SNX6: variants seen among roughly 807,000 people sequenced by gnomAD.
SNX6 encodes sorting nexin 6.
SNX6 carries 34 observed loss-of-function variants against 63.0 expected under a neutral mutation model. That is an observed-to-expected ratio of 0.54 (90% CI 0.41 to 0.72). The LOEUF (loss-of-function observed/expected upper bound fraction) is 0.72, where lower values mean the gene tolerates loss of function less well. Ranked by LOEUF, SNX6 falls within the 30% of genes least tolerant of loss-of-function variation. The probability of loss-of-function intolerance (pLI) is 0.00; values close to 1 mark genes in which losing one functional copy is unlikely to be tolerated. For missense variants in SNX6, 398 were observed against 471.4 expected (o/e 0.84, Z 1.44); for synonymous variants, 170 against 164.2 (o/e 1.04, Z -0.27).
At chr14:34,595,912 T>C (rs917708737) in intron 7 of SNX6, among the ~76,000 whole-genome samples, 1 of 152,110 alleles carries the variant, frequency 6.6e-6, no homozygotes, top group Non-Finnish European at 1.5e-5. Flanking sequence ...TTTTAGAACA[T>C]CATTAAGAAA....
At chr14:34,569,519 C>T (rs1881345351) in intron 11 of SNX6, among the ~76,000 whole-genome samples, 1 of 152,058 alleles carries the variant, frequency 6.6e-6, no homozygotes, top group African/African-American at 2.4e-5. Context: ...CCTCCACCTC[C>T]CGGTTCAAGT....
At chr14:34,594,045 A>G (rs1882506621) in intron 7 of SNX6, among the ~76,000 whole-genome samples, 1 of 152,128 alleles carries the variant, frequency 6.6e-6, no homozygotes. Flanking sequence ...ACTCTGAAAC[A>G]TGTTCTTATT....
At chr14:34,592,940 C>T (rs1882455098) in intron 8 of SNX6, 105 bp downstream of exon 8, 1 of 783,864 alleles carries the variant, frequency 1.3e-6, no homozygotes, top group Non-Finnish European at 2.1e-6. Flanking sequence ...TCCAACAGAC[C>T]AGTTTGAGAA....
chr14:34,573,169 A>C (rs1297942472), intron 11 of SNX6, among the ~76,000 whole-genome samples: 1 of 152,022 alleles, frequency 6.6e-6, no homozygotes, highest in Non-Finnish European at 1.5e-5. Context: ...GTAGACATAG[A>C]ATGTCATTTT....
intron 2 of SNX6, among the ~76,000 whole-genome samples, chr14:34,619,565 GA>G (rs34970509): frequency 0.38 from 57,087 of 151,710 alleles, 12,543 homozygotes; most frequent in East Asian, 0.74. Context: ...CAGGTATTGT[GA>G]AAGATTTAAA....
At chr14:34,602,934 C>T (rs1243542631) in intron 6 of SNX6, among the ~76,000 whole-genome samples, 1 of 147,990 alleles carries the variant, frequency 6.8e-6, no homozygotes, top group Non-Finnish European at 1.5e-5. Context: ...TGAGATGACG[C>T]CACTGCACTC....
At chr14:34,601,015 A>G (rs938401550) in intron 6 of SNX6, among the ~76,000 whole-genome samples, 1 of 147,970 alleles carries the variant, frequency 6.8e-6, no homozygotes. Flanking sequence ...CTCTGCCTCA[A>G]AAAAAAAAAA....
chr14:34,598,492 A>C (rs867091057), intron 6 of SNX6, among the ~76,000 whole-genome samples: 1 of 152,174 alleles, frequency 6.6e-6, no homozygotes, highest in Admixed American at 6.5e-5. Flanking sequence ...TCTGGGTTCA[A>C]GTAATTTTCC....
At chr14:34,600,018 G>A (rs1348425538) in intron 6 of SNX6, among the ~76,000 whole-genome samples, 2 of 152,040 alleles carry the variant, frequency 1.3e-5, no homozygotes, top group Non-Finnish European at 2.9e-5. Context: ...CTCTTTCCTA[G>A]ACTGAAGTAT....
intron 2 of SNX6, among the ~76,000 whole-genome samples, chr14:34,628,925 A>G (rs1349785718): frequency 6.6e-6 from 1 of 150,588 alleles, no homozygotes; most frequent in African/African-American, 2.4e-5. Flanking sequence ...CCTTCAGCCA[A>G]GGAAAAAGGG....
intron 13 of SNX6, among the ~76,000 whole-genome samples, chr14:34,563,868 AG>A (rs1311190549): frequency 1.3e-5 from 2 of 152,078 alleles, no homozygotes; most frequent in Non-Finnish European, 1.5e-5. Flanking sequence ...CCTCCCCAGT[AG>A]CTGGGATTAC....
intron 13 of SNX6, among the ~76,000 whole-genome samples, chr14:34,564,009 G>C (rs906352028): frequency 2.4e-4 from 37 of 152,264 alleles, no homozygotes; most frequent in Middle Eastern, 6.8e-3. Flanking sequence ...AAAGTGCTGT[G>C]ATTACAGGCG....
rs1883150663 is a variant in SNX6, at chr14:34,609,670, G to A, written c.127C>T (p.Arg43Trp). ...TGAACAGTGAATTTTACTTTATCCC[G>A]CTCACTAAGAGCATCAGAAATGTCC... ...QVDISDALSE[R>W]DKVKFTVHTK... is the part of the protein sequence containing the mutation. The change falls in exon 3 of 14, where the codon CGG becomes TGG. Residue 43 changes from arginine (R) to tryptophan (W), a missense_variant. Physicochemically the swap from Arg to Trp is moderately radical, Grantham distance 101. Coordinates refer to ENST00000362031, the MANE Select transcript of SNX6 (RefSeq NM_152233.4). The A allele has an allele frequency of 1.9e-6, 3 of 1,610,892 alleles. No individual in the cohort carries two copies. The highest frequency in any genetic ancestry group is 1.3e-5 in the African/African-American group (1 of 74,874).
chr14:34,626,182 G>A (rs558874030), intron 2 of SNX6, among the ~76,000 whole-genome samples: 7 of 152,146 alleles, frequency 4.6e-5, no homozygotes, highest in South Asian at 2.1e-4. Flanking sequence ...CCAGTTCCAC[G>A]GGACAAAAAT....
chr14:34,609,300 T>A (rs1883132617), intron 3 of SNX6, among the ~76,000 whole-genome samples: 1 of 150,800 alleles, frequency 6.6e-6, no homozygotes, highest in African/African-American at 2.4e-5. Flanking sequence ...TGAAACCCCG[T>A]CTCTACTAAA....
chr14:34,624,448 T>C (rs1446512151), intron 2 of SNX6, among the ~76,000 whole-genome samples: 4 of 152,142 alleles, frequency 2.6e-5, no homozygotes, highest in African/African-American at 9.7e-5. Flanking sequence ...AATCGAAATA[T>C]CATGATGAAA....
chr14:34,568,894 A>G (rs1040937250), intron 11 of SNX6: 18 of 1,218,280 alleles, frequency 1.5e-5, no homozygotes, highest in African/African-American at 3.0e-5. Context: ...TCCCCCATAG[A>G]TCTTGGTCAT....
chr14:34,589,672 C>T (rs1332113641), intron 8 of SNX6, among the ~76,000 whole-genome samples: 3 of 151,658 alleles, frequency 2.0e-5, no homozygotes, highest in Admixed American at 1.3e-4. Context: ...AAAAAAAATA[C>T]AAAAGATAGC....
chr14:34,610,978 C>T (rs958149807), intron 2 of SNX6, among the ~76,000 whole-genome samples: 3 of 151,276 alleles, frequency 2.0e-5, no homozygotes, highest in South Asian at 2.1e-4. Context: ...AATATATATA[C>T]GTGTGTGTGT....
Sources: gnomAD v4.1 joint callset for allele counts (sites outside exome capture counted in the v4.1 genomes callset) on GRCh38, gnomAD v4.1.1 for gene constraint, MANE v1.5 for transcripts, NCBI Gene and HGNC (gene_info 2026-07-23, HGNC 2026-07-21) for gene names.